The following ZKSCAN1 variants were observed in gnomAD, a reference collection of about 807,000 sequenced individuals.
ZKSCAN1 encodes zinc finger protein with KRAB and SCAN domains 1.
ZKSCAN1 carries 14 observed loss-of-function variants against 51.6 expected under a neutral mutation model. The observed-to-expected ratio is 0.27, with a 90% CI of 0.18 to 0.42. The LOEUF (loss-of-function observed/expected upper bound fraction) is 0.42, where lower values mean the gene tolerates loss of function less well. ZKSCAN1 is among the 10% of genes least tolerant of loss of function. ZKSCAN1 has a pLI of 1.00. For missense variants in ZKSCAN1, 531 were observed against 710.0 expected, an observed-to-expected ratio of 0.75 and a Z score of 2.86; for synonymous variants, 263 against 261.5, an observed-to-expected ratio of 1.01 and a Z score of -0.06.
Position 100,034,518 on chromosome 7 carries a change from G to C in ZKSCAN1, c.*321G>C. 9.5e-7 allele frequency: 1 copy of C among 1,051,162 alleles called. No individual in the cohort carries two copies. The highest frequency in any genetic ancestry group is 1.1e-6 in the Non-Finnish European group (1 of 872,066). The allele number at this position is 1,051,162 out of a possible 1,614,324, so 65.1% of individuals were successfully genotyped here. On this transcript the variant is annotated 3_prime_UTR_variant, in exon 6 of 6. Transcript: ENST00000324306. Reference sequence around the variant, plus strand: ...ACCTTTAAGGCACTCTTGGACTCTCGGCAACCACAACATAATAGTTGAAAG... The same window carrying C: ...ACCTTTAAGGCACTCTTGGACTCTCCGCAACCACAACATAATAGTTGAAAG...
downstream of ZKSCAN1, among the ~76,000 whole-genome samples, chr7:100,041,871 A>G (rs1030486368): frequency 3.3e-5 from 5 of 152,184 alleles, no homozygotes; most frequent in African/African-American, 4.8e-5. Flanking sequence ...TTCAAAGGCC[A>G]CCCAGTCACC....
downstream of ZKSCAN1, among the ~76,000 whole-genome samples, chr7:100,043,444 A>T (rs1791647957): frequency 6.6e-6 from 1 of 152,006 alleles, no homozygotes; most frequent in South Asian, 2.1e-4. Context: ...CAGTGGCACG[A>T]TTGTGGCTCA....
rs1207010706 is a variant in ZKSCAN1 at position 100,036,966 on chromosome 7, G to A, written c.*2769G>A. ...TTCCGTTTCATGGAGACATCTTCCT[G>A]ACTTTGTTGGATAGCTGCCACTAGG... On this transcript the variant is annotated 3_prime_UTR_variant, in exon 6 of 6. Transcript: ENST00000324306. 2 of 985,110 alleles carry A rather than the reference G, an allele frequency of 2.0e-6. No homozygotes were observed. The highest frequency in any genetic ancestry group is 3.5e-5 in the African/African-American group (2 of 57,152). 61.0% of individuals were successfully genotyped at this position (985,110 alleles called of 1,614,324 possible).
chr7:100,041,035 TTTA>T lies in ZKSCAN1; in HGVS notation c.*6842_*6844del, dbSNP rs2116002341. On this transcript the variant is annotated 3_prime_UTR_variant, in exon 6 of 6. Coordinates refer to ENST00000324306, the MANE Select transcript of ZKSCAN1 (RefSeq NM_003439.4). ...TTATTTTAAAATGAACATATGTATT[TTTA>T]TTAACTTTTAGTTAAATACAGATTT... 27 of 982,276 alleles carry T rather than the reference TTTA, an allele frequency of 2.7e-5. No individual in the cohort carries two copies. Among genetic ancestry groups the T allele is most frequent in the Non-Finnish European group, 3.3e-5 (27 of 827,068 alleles). 60.8% of individuals were successfully genotyped at this position (982,276 alleles called of 1,614,324 possible).
At chr7:100,023,097 A>G (rs951620443) in intron 1 of ZKSCAN1, among the ~76,000 whole-genome samples, 2 of 150,812 alleles carry the variant, frequency 1.3e-5, no homozygotes, top group African/African-American at 4.9e-5. Flanking sequence ...TACAACCTCC[A>G]CCTCCTGGGT....
chr7:100,033,707 G>A lies in ZKSCAN1; in HGVS notation c.1202G>A (p.Gly401Glu). 6.2e-7 allele frequency: 1 copy of A among 1,614,180 alleles called. No homozygotes were observed. Among genetic ancestry groups the A allele is most frequent in the Non-Finnish European group, 8.5e-7 (1 of 1,180,030 alleles). The stretch of plus-strand genomic sequence containing the variant: ...ATCCGCCATAAAATAATCCACACTG[G>A]AGAAAAGCCCTATGAATGTAGTGAG... The part of the protein sequence containing the change: ...SLIRHKIIHT[G>E]EKPYECSECG... Residue 401 changes from glycine to glutamate, a missense_variant, in exon 6 of 6, where the codon GGA becomes GAA. Gly to Glu is a moderately conservative substitution (Grantham distance 98, BLOSUM62 -2). This residue lies in a region of ZKSCAN1 where 128 missense variants were observed against 219.5 expected (regional missense o/e 0.58). Transcript: ENST00000324306. The surrounding 1 kb of genome is among the most constrained non-coding windows in gnomAD (Gnocchi z 4.1).
chr7:100,043,794 T>C (rs1199336161), downstream of ZKSCAN1, among the ~76,000 whole-genome samples: 1 of 135,344 alleles, frequency 7.4e-6, no homozygotes, highest in East Asian at 2.0e-4. Flanking sequence ...TTTTTTTTTT[T>C]TTTTTGGAGA....
intron 1 of ZKSCAN1, among the ~76,000 whole-genome samples, chr7:100,022,873 G>T (rs1326232571): frequency 6.6e-6 from 1 of 152,184 alleles, no homozygotes; most frequent in Non-Finnish European, 1.5e-5. Flanking sequence ...TTCGTAACCT[G>T]CTGTCAACCT....
In ZKSCAN1 at chr7:100,023,515, T is replaced by C; in HGVS notation, c.9T>C (p.Thr3=). 1 of 1,610,428 alleles carries C rather than the reference T, an allele frequency of 6.2e-7. No homozygotes were observed. Among genetic ancestry groups the C allele is most frequent in the South Asian group, 1.1e-5 (1 of 90,678 alleles). Residue 3 remains threonine (T), a synonymous_variant, in exon 2 of 6, where the codon ACT becomes ACC. Coordinates refer to ENST00000324306, the MANE Select transcript of ZKSCAN1 (RefSeq NM_003439.4). ...CAGTTCCTGGAGCCTGAATGATGAC[T>C]GCTGAATCACGGGAAGCCACGGGTC... is the stretch of plus-strand genomic sequence containing the variant. The part of the protein sequence containing the change: MM[T]AESREATGLS...
chr7:100,039,508 T>A lies in ZKSCAN1; in HGVS notation c.*5311T>A. On this transcript the variant is annotated 3_prime_UTR_variant, in exon 6 of 6. Coordinates refer to ENST00000324306, the MANE Select transcript of ZKSCAN1 (RefSeq NM_003439.4). ...CCTGCTCCCACTTTTCTTCCCCTGGTTTGTGATTATTAGGAGAGAGGTTTT... is the reference window on the plus strand; with the variant it reads ...CCTGCTCCCACTTTTCTTCCCCTGGATTGTGATTATTAGGAGAGAGGTTTT... The A allele has an allele frequency of 1.0e-6, 1 of 985,404 alleles. No homozygotes were observed. Among genetic ancestry groups the A allele is most frequent in the Non-Finnish European group, 1.2e-6 (1 of 829,924 alleles). The allele number at this position is 985,404 out of a possible 1,614,324, so 61.0% of individuals were successfully genotyped here. A position where few individuals can be genotyped will look rare whatever the true frequency, so the allele number is the denominator to read the frequency against.
rs1320881734 is a variant in ZKSCAN1 at position 100,034,255 on chromosome 7, T to TG, written c.*59dup. 9 of 1,499,376 alleles carry TG rather than the reference T, an allele frequency of 6.0e-6. No homozygotes were observed. The South Asian group carries it at 1.2e-4, about 20-fold the overall frequency. 92.9% of individuals were successfully genotyped at this position (1,499,376 alleles called of 1,614,324 possible). On this transcript the variant is annotated 3_prime_UTR_variant, in exon 6 of 6. Coordinates refer to ENST00000324306, the MANE Select transcript of ZKSCAN1 (RefSeq NM_003439.4). ...TTTGTTTCTAAAATTATTTCAGAGA[T>TG]GTGTGCTCCTGGAGGGAAAAAGAAA...
At position 100,039,674 on chromosome 7, in the gene ZKSCAN1, T is replaced by C; in HGVS notation, c.*5477T>C. The C allele has an allele frequency of 1.0e-6, 1 of 985,394 alleles. No homozygotes were observed. Among genetic ancestry groups the C allele is most frequent in the African/African-American group, 1.7e-5 (1 of 57,332 alleles). The allele number at this position is 985,394 out of a possible 1,614,324, so 61.0% of individuals were successfully genotyped here. The stretch of plus-strand genomic sequence containing the variant: ...CCTACCATCCTCATGGAAGACTGTG[T>C]GTATGAATTGGAGTAACAGAACTGA... On this transcript the variant is annotated 3_prime_UTR_variant, in exon 6 of 6. Transcript: ENST00000324306.
chr7:100,020,824 T>A (rs1314693591), intron 1 of ZKSCAN1, among the ~76,000 whole-genome samples: 9 of 152,198 alleles, frequency 5.9e-5, no homozygotes, highest in Non-Finnish European at 1.5e-5. Flanking sequence ...TTCTAAAACT[T>A]CAATTTGATG....
At chr7:100,020,899 A>C (rs1424771639) in intron 1 of ZKSCAN1, among the ~76,000 whole-genome samples, 2 of 152,180 alleles carry the variant, frequency 1.3e-5, no homozygotes, top group Non-Finnish European at 2.9e-5. Flanking sequence ...TTCAGATGGA[A>C]GAATCACAGT....
chr7:100,023,578 A>C lies in ZKSCAN1; in HGVS notation c.72A>C (p.Val24=). The C allele has an allele frequency of 6.2e-7, 1 of 1,613,760 alleles. No homozygotes were observed. Among genetic ancestry groups the C allele is most frequent in the Non-Finnish European group, 8.5e-7 (1 of 1,180,020 alleles). ...CTGCACAGGAGAAGGATGGTATCGT[A>C]ATAGTGAAGGTGGAAGAGGAAGATG... ...PQAAQEKDGI[V]IVKVEEEDEE... Residue 24 remains valine (V), a synonymous_variant, in exon 2 of 6, where the codon GTA becomes GTC. Coordinates refer to ENST00000324306, the MANE Select transcript of ZKSCAN1 (RefSeq NM_003439.4).
intron 3 of ZKSCAN1, among the ~76,000 whole-genome samples, chr7:100,029,307 C>A (rs889889202): frequency 6.6e-6 from 1 of 152,016 alleles, no homozygotes; most frequent in Non-Finnish European, 1.5e-5. Context: ...ACTCTATCAT[C>A]CAGGCTGGAG....
downstream of ZKSCAN1, among the ~76,000 whole-genome samples, chr7:100,043,170 G>A (rs1178815319): frequency 6.6e-6 from 1 of 151,658 alleles, no homozygotes; most frequent in African/African-American, 2.4e-5. Context: ...GGGCTCAAGT[G>A]ATCTGCCTGC....
Position 100,023,995 on chromosome 7 carries a change from G to A in ZKSCAN1, c.426+63G>A, listed in dbSNP as rs997094338. ...ACAGACGTTGAAACTGGAGCCAGGA[G>A]AAGTATTGGCAGGCTTTAGGTTATT... On this transcript the variant is annotated intron_variant, in intron 2 of 5. Coordinates refer to ENST00000324306, the MANE Select transcript of ZKSCAN1 (RefSeq NM_003439.4). 3 of 1,524,538 alleles carry A rather than the reference G, an allele frequency of 2.0e-6. No homozygotes were observed. In the African/African-American group the frequency reaches 4.2e-5, roughly 21 times the overall value. The allele number at this position is 1,524,538 out of a possible 1,614,324, so 94.4% of individuals were successfully genotyped here. A position where few individuals can be genotyped will look rare whatever the true frequency, so the allele number is the denominator to read the frequency against.
intron 3 of ZKSCAN1, among the ~76,000 whole-genome samples, chr7:100,027,220 C>T (rs1040934202): frequency 6.6e-6 from 1 of 150,910 alleles, no homozygotes; most frequent in Non-Finnish European, 1.5e-5. Context: ...CGCTTGAACC[C>T]GGGAGGTGGA....
Sources: allele counts gnomAD v4.1 joint callset (sites outside exome capture counted in the v4.1 genomes callset), GRCh38; gene constraint gnomAD v4.1.1; regional missense constraint gnomAD v4.1.1; non-coding constraint Gnocchi (gnomAD v3.1); transcripts MANE v1.5; gene names NCBI Gene and HGNC (gene_info 2026-07-23, HGNC 2026-07-21).